The following CDC73 variants were observed in gnomAD, a reference collection of about 807,000 sequenced individuals.
The protein encoded by CDC73 is cell division cycle 73.
In CDC73, 21 loss-of-function variants were observed where a neutral mutation model predicts 83.7. The observed-to-expected ratio is 0.25, with a 90% CI of 0.18 to 0.36. The LOEUF is 0.36. Ranked by LOEUF, CDC73 falls within the 10% of genes least tolerant of loss-of-function variation. CDC73 has a pLI of 1.00. For synonymous variants in CDC73, 224 were observed against 212.9 expected (o/e 1.05, Z -0.45); for missense variants, 342 against 653.3 (o/e 0.52, Z 5.19).
At chr1:193,125,046 A>G in intron 1 of CDC73, 66 bp from the exon 2 acceptor site, 1 of 843,280 alleles carries the variant, frequency 1.2e-6, no homozygotes, top group South Asian at 1.3e-5. Flanking sequence ...GTTTATATAA[A>G]TGAATCCAGC....
intron 3 of CDC73, among the ~76,000 whole-genome samples, chr1:193,133,137 G>T (rs1675725940): frequency 6.6e-6 from 1 of 152,038 alleles, no homozygotes; most frequent in Admixed American, 6.6e-5. Context: ...TCCTGACCTT[G>T]TGATCTGCCT....
chr1:193,183,190 A>T (rs994576312), intron 10 of CDC73, among the ~76,000 whole-genome samples: 20 of 151,700 alleles, frequency 1.3e-4, no homozygotes, highest in Non-Finnish European at 2.5e-4. Context: ...TGTTAGATGT[A>T]AATGAATGAA....
intron 7 of CDC73, among the ~76,000 whole-genome samples, chr1:193,142,976 A>G (rs1288364023): frequency 6.6e-6 from 1 of 152,196 alleles, no homozygotes; most frequent in African/African-American, 2.4e-5. Context: ...GTTGTTAATA[A>G]TGATGATCTA....
intron 13 of CDC73, among the ~76,000 whole-genome samples, chr1:193,219,148 C>T (rs1221166481): frequency 6.6e-6 from 1 of 152,206 alleles, no homozygotes; most frequent in Non-Finnish European, 1.5e-5. Context: ...TTTAACATCA[C>T]TAATCATTAG....
intron 15 of CDC73, among the ~76,000 whole-genome samples, chr1:193,241,441 G>T (rs966379102): frequency 1.3e-5 from 2 of 152,218 alleles, no homozygotes; most frequent in Admixed American, 1.3e-4. Flanking sequence ...ACGTATGCTG[G>T]CACCTGTGCT....
At chr1:193,146,211 T>G (rs1347175035) in intron 7 of CDC73, among the ~76,000 whole-genome samples, 1 of 152,116 alleles carries the variant, frequency 6.6e-6, no homozygotes, top group Admixed American at 6.5e-5. Context: ...TAGAGTAGAT[T>G]CTTACTACAT....
At chr1:193,197,530 T>C (rs1677021619) in intron 10 of CDC73, among the ~76,000 whole-genome samples, 1 of 152,206 alleles carries the variant, frequency 6.6e-6, no homozygotes, top group South Asian at 2.1e-4. Flanking sequence ...ATTATCGAGC[T>C]CCTTCATTAG....
intron 11 of CDC73, among the ~76,000 whole-genome samples, chr1:193,210,854 A>C (rs1677265856): frequency 6.6e-6 from 1 of 152,206 alleles, no homozygotes; most frequent in South Asian, 2.1e-4. Context: ...TTCTCACCTA[A>C]AAAGAGACAA....
chr1:193,224,992 A>G (rs1011505911), intron 13 of CDC73, among the ~76,000 whole-genome samples: 15 of 151,974 alleles, frequency 9.9e-5, no homozygotes, highest in African/African-American at 3.4e-4. Context: ...CCCGAACCGT[A>G]TATGCTGAAC....
At chr1:193,244,031 C>T (rs1031366720) in intron 15 of CDC73, among the ~76,000 whole-genome samples, 1 of 152,134 alleles carries the variant, frequency 6.6e-6, no homozygotes, top group Non-Finnish European at 1.5e-5. Flanking sequence ...TGATACTGAT[C>T]ATAATCATAT....
At chr1:193,227,753 T>C (rs1677589732) in intron 13 of CDC73, among the ~76,000 whole-genome samples, 1 of 152,170 alleles carries the variant, frequency 6.6e-6, no homozygotes, top group South Asian at 2.1e-4. Context: ...TTCAGATGCA[T>C]TTTTACCTTT....
intron 1 of CDC73, among the ~76,000 whole-genome samples, chr1:193,122,966 G>C (rs1370408600): frequency 1.3e-5 from 2 of 152,176 alleles, no homozygotes; most frequent in African/African-American, 4.8e-5. Context: ...TGGTGCGTGT[G>C]ATTTTTCGGA....
intron 10 of CDC73, among the ~76,000 whole-genome samples, chr1:193,195,931 AT>A (rs893531844): frequency 2.6e-5 from 4 of 151,928 alleles, no homozygotes; most frequent in Non-Finnish European, 5.9e-5. Flanking sequence ...ACTTGCAAAT[AT>A]TTTTTCCCTT....
chr1:193,193,420 G>T (rs980095633), intron 10 of CDC73, among the ~76,000 whole-genome samples: 5 of 152,084 alleles, frequency 3.3e-5, no homozygotes, highest in African/African-American at 1.2e-4. Flanking sequence ...TTCATATGGT[G>T]TCACTCATTT....
chr1:193,230,143 CTTTTTT>C (rs944930837), intron 13 of CDC73, among the ~76,000 whole-genome samples: 257 of 135,088 alleles, frequency 1.9e-3, no homozygotes, highest in African/African-American at 6.6e-3. Flanking sequence ...CATTCCCATT[CTTTTTT>C]TTTTTTTTTT....
intron 10 of CDC73, among the ~76,000 whole-genome samples, chr1:193,171,849 A>G (rs1378135371): frequency 6.6e-6 from 1 of 152,210 alleles, no homozygotes; most frequent in Non-Finnish European, 1.5e-5. Context: ...ATTTTTTAAT[A>G]AATGAAAAAA....
At chr1:193,146,513 G>A (rs1676003502) in intron 7 of CDC73, among the ~76,000 whole-genome samples, 1 of 151,318 alleles carries the variant, frequency 6.6e-6, no homozygotes, top group Non-Finnish European at 1.5e-5. Context: ...AAGCAAGCAA[G>A]CAAGCAAATG....
intron 15 of CDC73, 98 bp from the exon 16 acceptor site, chr1:193,249,632 T>G: frequency 1.1e-6 from 1 of 884,178 alleles, no homozygotes; most frequent in South Asian, 1.4e-5. Flanking sequence ...AAAAGATCAC[T>G]TTAGTTATAA....
chr1:193,160,900 T>C (rs1035083670), intron 10 of CDC73, among the ~76,000 whole-genome samples: 31 of 152,212 alleles, frequency 2.0e-4, no homozygotes, highest in African/African-American at 7.2e-4. Flanking sequence ...GGCTGAACAT[T>C]AGTTTGTTGG....
Sources: allele counts gnomAD v4.1 joint callset (sites outside exome capture counted in the v4.1 genomes callset), GRCh38; gene constraint gnomAD v4.1.1; transcripts MANE v1.5; gene names NCBI Gene and HGNC (gene_info 2026-07-23, HGNC 2026-07-21).